The following PKHD1L1 variants were observed in gnomAD, a reference collection of about 807,000 sequenced individuals.
PKHD1L1 encodes the protein fibrocystin-L.
PKHD1L1 carries 434 observed loss-of-function variants against 462.9 expected under a neutral mutation model. That is an observed-to-expected ratio of 0.94 (90% CI 0.87 to 1.02). PKHD1L1 has a LOEUF of 1.02. Among genes scored for constraint, PKHD1L1 ranks in the 50% least tolerant of loss-of-function variants. The pLI is 0.00. For synonymous variants in PKHD1L1, 1,781 were observed against 1,750.0 expected, an observed-to-expected ratio of 1.02 and a Z score of -0.44; for missense variants, 5,202 against 5,096.1, an observed-to-expected ratio of 1.02 and a Z score of -0.63.
chr8:109,492,536 G>A (rs1171197303), intron 62 of PKHD1L1, among the ~76,000 whole-genome samples: 1 of 151,802 alleles, frequency 6.6e-6, no homozygotes, highest in African/African-American at 2.4e-5. Flanking sequence ...ATTTAAAATA[G>A]TTATCTTTGA....
At chr8:109,515,501 C>T (rs1820222825) in intron 72 of PKHD1L1, among the ~76,000 whole-genome samples, 196 bp downstream of exon 72, 1 of 152,086 alleles carries the variant, frequency 6.6e-6, no homozygotes, top group Admixed American at 6.6e-5. Flanking sequence ...CCTAATGGAA[C>T]TTATTTATCT....
At chr8:109,418,921 G>GT (rs1466929290) in intron 21 of PKHD1L1, among the ~76,000 whole-genome samples, 176 bp from the exon 22 acceptor site, 2 of 152,334 alleles carry the variant, frequency 1.3e-5, no homozygotes. Context: ...TACTGCCAAT[G>GT]TAAGTTTCTG....
chr8:109,375,399 C>A (rs182684781), intron 2 of PKHD1L1, among the ~76,000 whole-genome samples: 1 of 151,978 alleles, frequency 6.6e-6, no homozygotes, highest in Non-Finnish European at 1.5e-5. Context: ...GTTAGCCATT[C>A]GTCTAATTTT....
In PKHD1L1 at chr8:109,448,139, TAAGGTCC is replaced by T; in HGVS notation, c.5777-2_5781del. 1 of 1,577,278 alleles carries T rather than the reference TAAGGTCC, an allele frequency of 6.3e-7. No individual in the cohort carries two copies. Among genetic ancestry groups the T allele is most frequent in the Non-Finnish European group, 8.6e-7 (1 of 1,162,720 alleles). ...TTATATTGTGTGCTTTTTTTTTTTT[TAAGGTCC>T]ACCAGGAACTGAAATTGAGATCACT... is the stretch of plus-strand genomic sequence containing the variant. On this transcript the variant is annotated splice_acceptor_variant and splice_polypyrimidine_tract_variant and coding_sequence_variant and intron_variant, in exon 39 of 78. Transcript: ENST00000378402. LOFTEE classifies it high-confidence loss of function.
At chr8:109,505,190 T>G (rs1011368042) in intron 68 of PKHD1L1, among the ~76,000 whole-genome samples, 5 of 152,120 alleles carry the variant, frequency 3.3e-5, no homozygotes, top group African/African-American at 1.2e-4. Context: ...CACACAATTT[T>G]TTTGTTTGTT....
In PKHD1L1 at chr8:109,483,004, G is replaced by T. The variant is rs773641321; in HGVS notation, c.9475G>T (p.Asp3159Tyr). The stretch of plus-strand genomic sequence containing the variant: ...TTCTTTAGGGGTGTTTGGTGAGCTG[G>T]ATCTTCATGGAATTCCACATTCAAT... The part of the protein sequence containing the change: ...AKVLGVFGEL[D>Y]LHGIPHSIYK... Residue 3159 changes from aspartate (D) to tyrosine (Y), a missense_variant, in exon 57 of 78, where the codon GAT becomes TAT. Asp to Tyr is a radical substitution (Grantham distance 160). Transcript: ENST00000378402. 6 of 1,592,742 alleles carry T rather than the reference G, an allele frequency of 3.8e-6. No individual in the cohort carries two copies. In the East Asian group the frequency reaches 1.2e-4, roughly 31 times the overall value.
At position 109,443,041 on chromosome 8, in the gene PKHD1L1, A is replaced by G. The variant is rs1412640530; in HGVS notation, c.4489A>G (p.Asn1497Asp). 6.2e-7 allele frequency: 1 copy of G among 1,613,672 alleles called. No homozygotes were observed. The highest frequency in any genetic ancestry group is 1.1e-5 in the South Asian group (1 of 91,068). The change falls in exon 36 of 78, where the codon AAT (asparagine) becomes GAT (aspartate). Residue 1497 changes from asparagine (N) to aspartate (D), a missense_variant. Physicochemically the swap from Asn to Asp is conservative, Grantham distance 23 (BLOSUM62 1). Around this residue, in one of 3 missense-constraint regions of PKHD1L1, gnomAD observed 4,497 missense variants for 4,336.8 expected, o/e 1.04. Coordinates refer to ENST00000378402, the MANE Select transcript of PKHD1L1 (RefSeq NM_177531.6). ...CTCCATTTTTCTCCAAGGAGTCATT[A>G]ATGTTTTACCAGCTGAAACCAGACA... ...AHSIFLQGVI[N>D]VLPAETRHIP... is the part of the protein sequence containing the mutation.
rs113236729 is a variant in PKHD1L1 at position 109,502,548 on chromosome 8, G to A, written c.10829-1779G>A. Among the ~76,000 whole-genome samples, 376 of 152,306 alleles carry A rather than the reference G, an allele frequency of 2.5e-3. 1 individual carries two copies. The highest frequency in any genetic ancestry group is 8.8e-3 in the African/African-American group (365 of 41,566). ...CTTTGTTTCTGTCAGGGCCTTTGAT[G>A]TAGGGGATTTGGTAGGTCTCAGAAC... On this transcript the variant is annotated intron_variant, in intron 67 of 77. Transcript: ENST00000378402.
chr8:109,526,341 T>A (rs942851998), intron 76 of PKHD1L1, among the ~76,000 whole-genome samples: 3 of 152,258 alleles, frequency 2.0e-5, no homozygotes, highest in African/African-American at 7.2e-5. Context: ...TTTTCTTGTT[T>A]GAAATTTTTC....
Position 109,490,884 on chromosome 8 carries a change from T to G in PKHD1L1, c.9985-88T>G, listed in dbSNP as rs1818789589. On this transcript the variant is annotated intron_variant, in intron 60 of 77. Coordinates refer to ENST00000378402, the MANE Select transcript of PKHD1L1 (RefSeq NM_177531.6). ...TTGAGTATTGATTATTGATAAAGGTTTGTTTACTGAAAATCATTTACTTCA... is the reference window on the plus strand; with the variant it reads ...TTGAGTATTGATTATTGATAAAGGTGTGTTTACTGAAAATCATTTACTTCA... 3.3e-6 allele frequency: 4 copies of G among 1,200,166 alleles called. No individual in the cohort carries two copies. The East Asian group carries it at 1.1e-4, about 32-fold the overall frequency. The allele number at this position is 1,200,166 out of a possible 1,614,324, so 74.3% of individuals were successfully genotyped here.
intron 50 of PKHD1L1, chr8:109,470,759 G>A: frequency 6.5e-7 from 1 of 1,544,104 alleles, no homozygotes; most frequent in Non-Finnish European, 8.8e-7. Context: ...CTGAGTGGTA[G>A]GGAGGACTGT....
chr8:109,374,761 G>A (rs1241070101), intron 2 of PKHD1L1, among the ~76,000 whole-genome samples: 2 of 152,032 alleles, frequency 1.3e-5, no homozygotes, highest in Non-Finnish European at 2.9e-5. Context: ...CACTTATGAA[G>A]CTTAGTTTGG....
intron 59 of PKHD1L1, among the ~76,000 whole-genome samples, chr8:109,489,744 G>C (rs1818735699): frequency 6.6e-6 from 1 of 151,850 alleles, no homozygotes; most frequent in African/African-American, 2.4e-5. Context: ...TTGCGGGAGA[G>C]TGCAGGCTAT....
chr8:109,486,565 G>A (rs1586606943), intron 58 of PKHD1L1, 83 bp from the exon 59 acceptor site: 1 of 1,365,882 alleles, frequency 7.3e-7, no homozygotes, highest in Non-Finnish European at 9.8e-7. Flanking sequence ...TTAGAAGGCT[G>A]TTTAGCATAT....
chr8:109,364,424 A>T, intron 1 of PKHD1L1, 123 bp from the exon 2 acceptor site: 1 of 735,652 alleles, frequency 1.4e-6, no homozygotes. Context: ...GGTGAATTTT[A>T]CTTTCAATCC....
chr8:109,384,435 C>T (rs1812328393), intron 5 of PKHD1L1, among the ~76,000 whole-genome samples: 1 of 151,890 alleles, frequency 6.6e-6, no homozygotes, highest in Non-Finnish European at 1.5e-5. Context: ...CCCAGCTACT[C>T]CGGAGGCTGA....
In PKHD1L1 at chr8:109,537,157, T is replaced by C. The variant is rs940737289; in HGVS notation, c.*7067T>C. On this transcript the variant is annotated 3_prime_UTR_variant, in exon 78 of 78. Coordinates refer to ENST00000378402, the MANE Select transcript of PKHD1L1 (RefSeq NM_177531.6). ...AGAAATGAATGTGACTTTATGATCT[T>C]GTATTCAACTGTGAACAGCTGCTCA... is the stretch of plus-strand genomic sequence containing the variant. Among the ~76,000 whole-genome samples, 2 of 152,226 alleles carry C rather than the reference T, an allele frequency of 1.3e-5. No homozygotes were observed. Among genetic ancestry groups the C allele is most frequent in the Non-Finnish European group, 2.9e-5 (2 of 68,044 alleles).
Position 109,504,167 on chromosome 8 carries a change from A to C in PKHD1L1, c.10829-160A>C, listed in dbSNP as rs192398205. Among the ~76,000 whole-genome samples the C allele has an allele frequency of 2.6e-5, 4 of 152,360 alleles. 1 individual carries two copies. The highest frequency in any genetic ancestry group is 1.3e-4 in the Admixed American group (2 of 15,290). The stretch of plus-strand genomic sequence containing the variant: ...GATATGGATATTGATATTGGGAGGC[A>C]ACAGGCTACAACAAATAGTGGTAGA... On this transcript the variant is annotated intron_variant, in intron 67 of 77. Coordinates refer to ENST00000378402, the MANE Select transcript of PKHD1L1 (RefSeq NM_177531.6).
At chr8:109,502,104 T>C (rs1256019400) in intron 67 of PKHD1L1, among the ~76,000 whole-genome samples, 4 of 151,988 alleles carry the variant, frequency 2.6e-5, no homozygotes, top group Non-Finnish European at 4.4e-5. Flanking sequence ...CAAGGCCACC[T>C]CTGAGTTGGG....
Sources: allele counts gnomAD v4.1 joint callset (sites outside exome capture counted in the v4.1 genomes callset), GRCh38; gene constraint gnomAD v4.1.1; regional missense constraint gnomAD v4.1.1; transcripts MANE v1.5; gene names NCBI Gene and HGNC (gene_info 2026-07-23, HGNC 2026-07-21).